Variants in TCF12 observed in about 807,000 individuals in gnomAD.
TCF12 encodes transcription factor 12.
TCF12 carries 45 observed loss-of-function variants against 86.0 expected under a neutral mutation model. That is an observed-to-expected ratio of 0.52 (90% CI 0.41 to 0.67). The LOEUF (loss-of-function observed/expected upper bound fraction) is 0.67. TCF12 is among the 30% of genes least tolerant of loss of function. TCF12 has a pLI of 0.00. For missense variants in TCF12, 881 were observed against 859.9 expected (o/e 1.02, Z -0.31); for synonymous variants, 330 against 299.6 (o/e 1.10, Z -1.05).
intron 5 of TCF12, among the ~76,000 whole-genome samples, chr15:57,099,217 T>C (rs1441862045): frequency 6.6e-6 from 1 of 152,202 alleles, no homozygotes; most frequent in Non-Finnish European, 1.5e-5. Context: ...TTGATAGCCA[T>C]TCTCTGAAGC....
chr15:57,063,108 G>A (rs779957955), intron 3 of TCF12, among the ~76,000 whole-genome samples: 1 of 152,128 alleles, frequency 6.6e-6, no homozygotes, highest in Non-Finnish European at 1.5e-5. Flanking sequence ...ATTTTCTTTT[G>A]CCACCTTCAT....
rs369625465 is a variant in TCF12 at position 57,137,002 on chromosome 15, C to T, written c.326-29400C>T. ...TTTTTTTTTTTTTTTTTTTTTGAGACGGAGTTTCACTCTGTCACCCAGGCT... is the reference window on the plus strand; with the variant it reads ...TTTTTTTTTTTTTTTTTTTTTGAGATGGAGTTTCACTCTGTCACCCAGGCT... On this transcript the variant is annotated intron_variant, in intron 5 of 20. Coordinates refer to ENST00000333725, the MANE Select transcript of TCF12 (RefSeq NM_207037.2). Among the ~76,000 whole-genome samples, 375 of 85,332 alleles carry T rather than the reference C, an allele frequency of 4.4e-3. 1 individual carries two copies. The highest frequency in any genetic ancestry group is 0.019 in the African/African-American group (362 of 19,410). The allele number at this position is 85,332 out of a possible 152,430, so 56.0% of individuals were successfully genotyped here.
intron 13 of TCF12, among the ~76,000 whole-genome samples, chr15:57,249,092 A>G (rs2059992160): frequency 6.6e-6 from 1 of 152,244 alleles, no homozygotes; most frequent in Non-Finnish European, 1.5e-5. Flanking sequence ...TAATAATTAA[A>G]GGTATTTTTC....
At chr15:57,038,058 TC>T (rs2066630370) in intron 3 of TCF12, among the ~76,000 whole-genome samples, 1 of 152,132 alleles carries the variant, frequency 6.6e-6, no homozygotes, top group Non-Finnish European at 1.5e-5. Context: ...GTGGAAAAAT[TC>T]CTGTTCTAAT....
intron 8 of TCF12, among the ~76,000 whole-genome samples, chr15:57,199,999 A>G (rs2057456856): frequency 6.7e-6 from 1 of 149,272 alleles, no homozygotes; most frequent in Admixed American, 6.7e-5. Context: ...CTTCCACCTC[A>G]TCCTCCCAAG....
chr15:57,112,886 G>A (rs1251959428), intron 5 of TCF12, among the ~76,000 whole-genome samples: 1 of 152,026 alleles, frequency 6.6e-6, no homozygotes, highest in Non-Finnish European at 1.5e-5. Flanking sequence ...GTAATATAGA[G>A]CATTTTATTT....
intron 8 of TCF12, among the ~76,000 whole-genome samples, chr15:57,202,171 TCA>T (rs1280664097): frequency 6.6e-6 from 1 of 152,118 alleles, no homozygotes; most frequent in East Asian, 1.9e-4. Flanking sequence ...TTGCCAAAAA[TCA>T]CACATAGGGC....
At chr15:56,961,579 T>G (rs1006683804) in intron 3 of TCF12, among the ~76,000 whole-genome samples, 1 of 152,224 alleles carries the variant, frequency 6.6e-6, no homozygotes, top group African/African-American at 2.4e-5. Context: ...CTATGAAAAC[T>G]TCTTTTTGAG....
rs1491058423 is a variant in TCF12 at position 57,007,818 on chromosome 15, CTT to C, written c.149-55928_149-55927del. 5.0e-4 allele frequency among the ~76,000 whole-genome samples: 64 copies of C among 128,970 alleles called. 1 individual carries two copies. Among genetic ancestry groups the C allele is most frequent in the Middle Eastern group, 4.0e-3 (1 of 252 alleles). The allele number at this position is 128,970 out of a possible 152,430, so 84.6% of individuals were successfully genotyped here. On this transcript the variant is annotated intron_variant, in intron 3 of 20. Transcript: ENST00000333725. ...TCTTTCTTTCTTTCTTTCTTTCTTT[CTT>C]TTTCTTTCTTTCTTTCTTTCTCTCT...
At chr15:57,251,482 C>G (rs2060115418) in intron 14 of TCF12, 59 bp downstream of exon 14, 1 of 1,519,594 alleles carries the variant, frequency 6.6e-7, no homozygotes, top group African/African-American at 1.4e-5. Flanking sequence ...TGTTTTTGGT[C>G]AATCTGGCAT....
At chr15:57,260,385 T>G (rs1389664105) in intron 16 of TCF12, among the ~76,000 whole-genome samples, 1 of 152,198 alleles carries the variant, frequency 6.6e-6, no homozygotes, top group Non-Finnish European at 1.5e-5. Context: ...ATTCAATTTG[T>G]TACTGTTCAG....
intron 3 of TCF12, among the ~76,000 whole-genome samples, chr15:56,923,395 C>G (rs1440813731): frequency 2.0e-5 from 3 of 152,042 alleles, no homozygotes; most frequent in African/African-American, 4.8e-5. Context: ...GGTGTGTTTA[C>G]TACTACTAAT....
chr15:57,093,442 A>G (rs149427857), intron 5 of TCF12, among the ~76,000 whole-genome samples: 1 of 152,162 alleles, frequency 6.6e-6, no homozygotes, highest in African/African-American at 2.4e-5. Context: ...GAAAAATCAG[A>G]AATTGCTCTT....
intron 5 of TCF12, among the ~76,000 whole-genome samples, chr15:57,143,297 T>G (rs1379969698): frequency 1.3e-5 from 2 of 152,184 alleles, no homozygotes; most frequent in African/African-American, 4.8e-5. Flanking sequence ...ATTAGATGAT[T>G]CTGATGGTTC....
Position 57,172,162 on chromosome 15 carries a change from A to G in TCF12, c.390+5696A>G, listed in dbSNP as rs562744611. Among the ~76,000 whole-genome samples the G allele has an allele frequency of 3.4e-4, 52 of 152,300 alleles. No individual in the cohort carries two copies. The South Asian group carries it at 0.011, about 31-fold the overall frequency. ...TGCAGACATTTATAATAATAAAATA[A>G]TAAAAGAGTTGATGTATCAGAAAGA... On this transcript the variant is annotated intron_variant, in intron 6 of 20. Coordinates refer to ENST00000333725, the MANE Select transcript of TCF12 (RefSeq NM_207037.2).
chr15:56,997,693 T>C (rs1254363844), intron 3 of TCF12, among the ~76,000 whole-genome samples: 5 of 152,044 alleles, frequency 3.3e-5, no homozygotes, highest in Admixed American at 3.3e-4. Context: ...AGAAAACAAA[T>C]AATAAAATGG....
intron 3 of TCF12, among the ~76,000 whole-genome samples, chr15:57,043,504 G>A (rs1314887645): frequency 1.3e-5 from 2 of 152,136 alleles, no homozygotes; most frequent in South Asian, 2.1e-4. Context: ...GTGAGGATAT[G>A]TATCAGTCTC....
At chr15:57,152,827 A>C (rs75669454) in intron 5 of TCF12, among the ~76,000 whole-genome samples, 2 of 151,942 alleles carry the variant, frequency 1.3e-5, no homozygotes, top group East Asian at 3.9e-4. Flanking sequence ...CCATAGATGC[A>C]AGACTTAAGA....
intron 13 of TCF12, among the ~76,000 whole-genome samples, chr15:57,246,322 A>G (rs191926672): frequency 3.3e-5 from 5 of 152,312 alleles, no homozygotes; most frequent in African/African-American, 9.6e-5. Context: ...ACATTTCTAC[A>G]TAGAGAGTGC....
Sources: allele counts gnomAD v4.1 joint callset (sites outside exome capture counted in the v4.1 genomes callset), GRCh38; gene constraint gnomAD v4.1.1; transcripts MANE v1.5; gene names NCBI Gene and HGNC (gene_info 2026-07-23, HGNC 2026-07-21).